The following EXT1 variants were observed in gnomAD, a reference collection of about 807,000 sequenced individuals.
EXT1 encodes the protein exostosin-1.
Under a neutral mutation model 82.5 loss-of-function variants are expected in EXT1, and 20 were observed. The ratio of observed to expected loss-of-function variants is 0.24; its 90% confidence interval spans 0.17 to 0.35. The LOEUF (loss-of-function observed/expected upper bound fraction) is 0.35. Ranked by LOEUF, EXT1 falls within the 10% of genes least tolerant of loss-of-function variation. The pLI is 1.00. For missense variants in EXT1, 757 were observed against 936.5 expected, an observed-to-expected ratio of 0.81 and a Z score of 2.50; for synonymous variants, 348 against 350.8, an observed-to-expected ratio of 0.99 and a Z score of 0.09.
At position 118,032,508 on chromosome 8, in the gene EXT1, C is replaced by CTT. The variant is rs1207517029; in HGVS notation, c.962+77575_962+77576dup. Among the ~76,000 whole-genome samples, 112 of 133,134 alleles carry CTT rather than the reference C, an allele frequency of 8.4e-4. 1 individual carries two copies. Among genetic ancestry groups the CTT allele is most frequent in the South Asian group, 2.2e-3 (9 of 4,116 alleles). 87.3% of individuals were successfully genotyped at this position (133,134 alleles called of 152,430 possible). A position where few individuals can be genotyped will look rare whatever the true frequency, so the allele number is the denominator to read the frequency against. On this transcript the variant is annotated intron_variant, in intron 1 of 10. Coordinates refer to ENST00000378204, the MANE Select transcript of EXT1 (RefSeq NM_000127.3). ...CAGTGTCTTTCACAGAGGGTAACAACTTTTTTTTTTTTTTTTTTTGAGACA... is the reference window on the plus strand; with the variant it reads ...CAGTGTCTTTCACAGAGGGTAACAACTTTTTTTTTTTTTTTTTTTTTGAGACA...
At chr8:117,924,209 A>G (rs527645140) in intron 1 of EXT1, among the ~76,000 whole-genome samples, 1 of 152,308 alleles carries the variant, frequency 6.6e-6, no homozygotes, top group East Asian at 1.9e-4. Flanking sequence ...TGTACTAGGG[A>G]AATATTTACT....
At chr8:117,821,073 C>A (rs895397050) in intron 5 of EXT1, among the ~76,000 whole-genome samples, 10 of 152,150 alleles carry the variant, frequency 6.6e-5, no homozygotes, top group African/African-American at 2.4e-4. Context: ...TTAGTTTAGA[C>A]CCACTAATTT....
chr8:117,997,454 A>G (rs1310774085), intron 1 of EXT1, among the ~76,000 whole-genome samples: 7 of 151,970 alleles, frequency 4.6e-5, no homozygotes, highest in African/African-American at 1.5e-4. Flanking sequence ...TTTATTTACA[A>G]TAAGTACATA....
intron 1 of EXT1, among the ~76,000 whole-genome samples, chr8:118,068,562 G>GT (rs1278516211): frequency 3.9e-5 from 6 of 151,944 alleles, no homozygotes; most frequent in Admixed American, 3.9e-4. Context: ...GCTCCCACTT[G>GT]TAAGTGAGAA....
intron 1 of EXT1, among the ~76,000 whole-genome samples, chr8:118,000,900 C>A (rs1422250017): frequency 6.6e-6 from 1 of 152,084 alleles, no homozygotes; most frequent in Non-Finnish European, 1.5e-5. Flanking sequence ...CCAGTCTTCA[C>A]AATTAAAACT....
intron 1 of EXT1, among the ~76,000 whole-genome samples, chr8:118,037,462 T>C (rs1172010979): frequency 6.6e-6 from 1 of 151,726 alleles, no homozygotes; most frequent in Non-Finnish European, 1.5e-5. Context: ...ACTGCAGCCT[T>C]GGTCTCCCAA....
chr8:117,927,718 A>C (rs1813979206), intron 1 of EXT1, among the ~76,000 whole-genome samples: 2 of 152,226 alleles, frequency 1.3e-5, no homozygotes, highest in African/African-American at 2.4e-5. Flanking sequence ...ATTTACAGGT[A>C]GGGCTGACTT....
At chr8:118,082,004 T>C (rs1817341910) in intron 1 of EXT1, among the ~76,000 whole-genome samples, 1 of 152,138 alleles carries the variant, frequency 6.6e-6, no homozygotes, top group Non-Finnish European at 1.5e-5. Flanking sequence ...GTCGGGGAGT[T>C]CTTGTAAAAG....
intron 1 of EXT1, among the ~76,000 whole-genome samples, chr8:117,977,103 C>T (rs953682269): frequency 3.3e-5 from 5 of 152,014 alleles, no homozygotes; most frequent in Non-Finnish European, 7.4e-5. Flanking sequence ...GACCATATAT[C>T]TGGCCGGGCA....
Position 117,797,051 on chromosome 8 carries a change from C to T in EXT1, c.*2661G>A, listed in dbSNP as rs1823098668. 6.6e-6 allele frequency: 1 copy of T among 152,158 alleles called. No homozygotes were observed. The highest frequency in any genetic ancestry group is 1.5e-5 in the Non-Finnish European group (1 of 68,030). 9.4% of individuals were successfully genotyped at this position (152,158 alleles called of 1,614,324 possible). On this transcript the variant is annotated 3_prime_UTR_variant, in exon 11 of 11. Transcript: ENST00000378204. ...TCTCTCCAATGCAGCACATGTTAGC[C>T]CACTTAGGGACCCCTAGTTATCATT...
intron 1 of EXT1, among the ~76,000 whole-genome samples, chr8:118,002,811 C>T (rs753108030): frequency 3.3e-4 from 50 of 152,022 alleles, no homozygotes; most frequent in Non-Finnish European, 6.0e-4. Flanking sequence ...GGATTACAGG[C>T]GTGAGCCACT....
At chr8:117,948,859 C>T (rs114338919) in intron 1 of EXT1, among the ~76,000 whole-genome samples, 1 of 152,164 alleles carries the variant, frequency 6.6e-6, no homozygotes, top group African/African-American at 2.4e-5. Flanking sequence ...TCCTGTTTAT[C>T]TACTTATGTT....
chr8:117,918,964 C>CAA (rs35129089), intron 1 of EXT1, among the ~76,000 whole-genome samples: 9,824 of 149,194 alleles, frequency 0.066, 450 homozygotes, highest in Middle Eastern at 0.16. Context: ...ATTCCTGAGG[C>CAA]AAAAAAAAAA....
chr8:117,949,273 T>G (rs1259318229), intron 1 of EXT1, among the ~76,000 whole-genome samples: 1 of 152,118 alleles, frequency 6.6e-6, no homozygotes, highest in Non-Finnish European at 1.5e-5. Context: ...AAAAGGCAGT[T>G]GAAACCAGTT....
intron 1 of EXT1, among the ~76,000 whole-genome samples, chr8:117,942,881 G>A (rs1263145387): frequency 1.3e-5 from 2 of 152,158 alleles, no homozygotes; most frequent in African/African-American, 4.8e-5. Context: ...TCTACTCCCA[G>A]CCCTGACACG....
intron 1 of EXT1, among the ~76,000 whole-genome samples, chr8:117,958,691 A>G (rs1814636576): frequency 6.6e-6 from 1 of 152,222 alleles, no homozygotes; most frequent in African/African-American, 2.4e-5. Context: ...CAAGTCTATT[A>G]AATATTTATT....
chr8:118,051,879 A>G (rs1157699235), intron 1 of EXT1, among the ~76,000 whole-genome samples: 4 of 152,200 alleles, frequency 2.6e-5, no homozygotes, highest in African/African-American at 9.7e-5. Flanking sequence ...TCCAGCATAA[A>G]GCATAACCTC....
chr8:117,883,001 GA>G (rs1209597303), intron 1 of EXT1, among the ~76,000 whole-genome samples: 24 of 145,934 alleles, frequency 1.6e-4, no homozygotes, highest in Non-Finnish European at 2.9e-4. Flanking sequence ...AAAAAAGAAA[GA>G]AAAAAAATGA....
At chr8:117,993,618 G>C (rs536976225) in intron 1 of EXT1, among the ~76,000 whole-genome samples, 15 of 152,292 alleles carry the variant, frequency 9.8e-5, no homozygotes, top group African/African-American at 3.6e-4. Context: ...ACCAGAAAGA[G>C]AAAAGGGGTT....
Sources: gnomAD v4.1 joint callset for allele counts (sites outside exome capture counted in the v4.1 genomes callset) on GRCh38, gnomAD v4.1.1 for gene constraint, MANE v1.5 for transcripts, NCBI Gene and HGNC (gene_info 2026-07-23, HGNC 2026-07-21) for gene names.